The following EPHA6 variants were observed in gnomAD, a reference collection of about 807,000 sequenced individuals.
The protein encoded by EPHA6 is ephrin type-A receptor 6.
EPHA6 carries 50 observed loss-of-function variants against 112.0 expected under a neutral mutation model. The ratio of observed to expected loss-of-function variants is 0.45; its 90% CI spans 0.36 to 0.56. The LOEUF (loss-of-function observed/expected upper bound fraction) is 0.56. EPHA6 is among the 20% of genes least tolerant of loss of function. The probability of loss-of-function intolerance (pLI) is 0.00; values close to 1 mark genes in which losing one functional copy is unlikely to be tolerated. For synonymous variants in EPHA6, 529 were observed against 490.7 expected, an observed-to-expected ratio of 1.08 and a Z score of -1.03; for missense variants, 1,280 against 1,417.4, an observed-to-expected ratio of 0.90 and a Z score of 1.56.
chr3:97,658,339 C>A (rs372895791), intron 14 of EPHA6, among the ~76,000 whole-genome samples: 1 of 151,606 alleles, frequency 6.6e-6, no homozygotes, highest in African/African-American at 2.4e-5. Flanking sequence ...CCAATATAGA[C>A]CAATGTAAAA....
At chr3:97,617,103 C>G (rs1351699359) in intron 13 of EPHA6, among the ~76,000 whole-genome samples, 1 of 152,060 alleles carries the variant, frequency 6.6e-6, no homozygotes, top group African/African-American at 2.4e-5. Context: ...ACCTTATAAG[C>G]CACAAGACAT....
intron 5 of EPHA6, among the ~76,000 whole-genome samples, chr3:97,249,708 A>G (rs1182280416): frequency 1.3e-5 from 2 of 152,164 alleles, no homozygotes; most frequent in African/African-American, 4.8e-5. Context: ...GGCATGAATG[A>G]TGTGTTATTG....
intron 2 of EPHA6, among the ~76,000 whole-genome samples, chr3:96,946,333 C>A (rs1359582129): frequency 6.6e-6 from 1 of 151,706 alleles, no homozygotes; most frequent in Admixed American, 6.6e-5. Flanking sequence ...CCTTCCCCCA[C>A]CCCACGACAG....
intron 1 of EPHA6, among the ~76,000 whole-genome samples, chr3:96,866,211 A>G (rs1448280839): frequency 2.6e-5 from 4 of 152,042 alleles, no homozygotes; most frequent in African/African-American, 9.7e-5. Context: ...TTATGTGTTT[A>G]CATGTCTGCT....
intron 3 of EPHA6, among the ~76,000 whole-genome samples, chr3:97,179,384 T>G (rs186476268): frequency 7.6e-4 from 115 of 152,256 alleles, no homozygotes; most frequent in African/African-American, 2.6e-3. Flanking sequence ...ATTTAATTCA[T>G]TTGATGAGGT....
At chr3:97,192,104 A>G (rs1390926263) in intron 3 of EPHA6, among the ~76,000 whole-genome samples, 1 of 152,034 alleles carries the variant, frequency 6.6e-6, no homozygotes, top group African/African-American at 2.4e-5. Flanking sequence ...ACCATTTTAT[A>G]TAACTATTTG....
At chr3:97,267,533 C>A (rs973621115) in intron 5 of EPHA6, among the ~76,000 whole-genome samples, 1 of 151,966 alleles carries the variant, frequency 6.6e-6, no homozygotes, top group Non-Finnish European at 1.5e-5. Flanking sequence ...TATTGGTTGA[C>A]TAAAGGAATG....
intron 14 of EPHA6, among the ~76,000 whole-genome samples, chr3:97,706,641 T>C (rs2107751180): frequency 6.6e-6 from 1 of 152,280 alleles, no homozygotes; most frequent in Non-Finnish European, 1.5e-5. Flanking sequence ...GAACTTTGTT[T>C]TCTCTGAAGG....
intron 7 of EPHA6, among the ~76,000 whole-genome samples, chr3:97,449,780 T>A (rs2090464718): frequency 6.6e-6 from 1 of 152,100 alleles, no homozygotes; most frequent in Non-Finnish European, 1.5e-5. Flanking sequence ...TCCTACTAAA[T>A]CTTATCATTT....
intron 2 of EPHA6, among the ~76,000 whole-genome samples, chr3:96,933,164 A>G (rs1056408045): frequency 2.0e-5 from 3 of 152,150 alleles, no homozygotes; most frequent in Non-Finnish European, 4.4e-5. Context: ...TTTCGAAATT[A>G]GCCTCTGGAA....
intron 13 of EPHA6, among the ~76,000 whole-genome samples, chr3:97,612,658 C>T (rs1392211357): frequency 6.6e-6 from 1 of 151,974 alleles, no homozygotes; most frequent in Non-Finnish European, 1.5e-5. Context: ...TTTTTCAGCT[C>T]TTATTATGTA....
intron 11 of EPHA6, among the ~76,000 whole-genome samples, chr3:97,575,526 A>G (rs1187432354): frequency 5.3e-5 from 8 of 152,198 alleles, no homozygotes. Context: ...ATAAAAAAAC[A>G]TCTGAGAGGT....
intron 1 of EPHA6, among the ~76,000 whole-genome samples, chr3:96,828,084 G>A (rs1427076080): frequency 2.0e-5 from 3 of 151,920 alleles, no homozygotes; most frequent in South Asian, 4.2e-4. Flanking sequence ...GGAAAAATAA[G>A]CATATAGAAG....
chr3:97,108,611 C>A (rs1458649863), intron 3 of EPHA6, among the ~76,000 whole-genome samples: 3 of 152,022 alleles, frequency 2.0e-5, no homozygotes. Context: ...TTTCAGTGAC[C>A]CACTCCATAT....
At chr3:96,948,796 A>G (rs1576141091) in intron 2 of EPHA6, among the ~76,000 whole-genome samples, 1 of 152,150 alleles carries the variant, frequency 6.6e-6, no homozygotes, top group African/African-American at 2.4e-5. Flanking sequence ...TTGCTAAGTA[A>G]AAATTAATCT....
At chr3:97,480,712 C>T (rs1326547888) in intron 9 of EPHA6, among the ~76,000 whole-genome samples, 6 of 152,192 alleles carry the variant, frequency 3.9e-5, no homozygotes, top group Admixed American at 1.3e-4. Context: ...AAACCGCCAT[C>T]GTCATCATGG....
chr3:96,815,694 C>G (rs905853050), intron 1 of EPHA6, among the ~76,000 whole-genome samples: 1 of 151,952 alleles, frequency 6.6e-6, no homozygotes, highest in Admixed American at 6.6e-5. Flanking sequence ...GACTTTGTTT[C>G]GGTGGGTAAA....
chr3:97,392,144 A>G (rs1322234161), intron 5 of EPHA6, among the ~76,000 whole-genome samples: 1 of 151,864 alleles, frequency 6.6e-6, no homozygotes, highest in African/African-American at 2.4e-5. Flanking sequence ...TTTGGGCTTT[A>G]CATTTTGAAA....
intron 12 of EPHA6, among the ~76,000 whole-genome samples, chr3:97,607,577 C>T (rs564665016): frequency 6.6e-6 from 1 of 151,152 alleles, no homozygotes; most frequent in South Asian, 2.1e-4. Flanking sequence ...CTAAGAAATT[C>T]ACCTTGTGTG....
Sources: allele counts gnomAD v4.1 joint callset (sites outside exome capture counted in the v4.1 genomes callset), GRCh38; gene constraint gnomAD v4.1.1; transcripts MANE v1.5; gene names NCBI Gene and HGNC (gene_info 2026-07-23, HGNC 2026-07-21).